TEPSIN: variants seen among roughly 807,000 people sequenced by gnomAD.
TEPSIN encodes TEPSIN adaptor related protein complex 4 accessory protein, also known as AP-4 complex accessory subunit tepsin.
TEPSIN carries 50 observed loss-of-function variants against 48.5 expected under a neutral mutation model. That is an observed-to-expected ratio of 1.03 (90% CI 0.82 to 1.31). The LOEUF is 1.31. Ranked by LOEUF, TEPSIN falls within the 50% of genes most tolerant of loss-of-function variation. The probability of loss-of-function intolerance (pLI) is 0.00; values close to 1 mark genes in which losing one functional copy is unlikely to be tolerated. For missense variants in TEPSIN, 838 were observed against 815.9 expected, an observed-to-expected ratio of 1.03 and a Z score of -0.33; for synonymous variants, 392 against 358.8, an observed-to-expected ratio of 1.09 and a Z score of -1.05.
Position 81,231,397 on chromosome 17 carries a change from C to T in TEPSIN, c.1098+1G>A, listed in dbSNP as rs1029796878. The T allele has an allele frequency of 6.5e-7, 1 of 1,547,118 alleles. No individual in the cohort carries two copies. The highest frequency in any genetic ancestry group is 1.4e-5 in the African/African-American group (1 of 73,304). Reference sequence around the variant, plus strand: ...CCCTCCCGCCCGCGTGTGCAGCTCACCAGCTGCGTGCATTCACTGGTCCCA... The same window carrying T: ...CCCTCCCGCCCGCGTGTGCAGCTCATCAGCTGCGTGCATTCACTGGTCCCA... On this transcript the variant is annotated splice_donor_variant, in intron 11 of 12. Transcript: ENST00000637944. LOFTEE classifies it high-confidence loss of function.
Position 81,233,385 on chromosome 17 carries a change from C to T in TEPSIN, c.526+47G>A. 1 of 1,599,634 alleles carries T rather than the reference C, an allele frequency of 6.3e-7. No homozygotes were observed. The highest frequency in any genetic ancestry group is 1.3e-5 in the African/African-American group (1 of 74,812). ...GGTCCGGCCCCCACCACCTCCTCAT[C>T]CCCACACCCTGAGATGCCAGAGCCC... On this transcript the variant is annotated intron_variant, in intron 7 of 12. Transcript: ENST00000637944. This position sits in a 1 kb window ranked among gnomAD's most constrained non-coding sequence, Gnocchi z 5.8.
Position 81,230,341 on chromosome 17 carries a change from G to C in TEPSIN, c.1233+203C>G. ...GCCAGTGTACTGTGAGTGCTGCAGA[G>C]TTTGGGTGGAAGGCGGGAAGGCAAT... On this transcript the variant is annotated intron_variant, in intron 12 of 12. Transcript: ENST00000637944. The surrounding 1 kb of genome is among the most constrained non-coding windows in gnomAD (Gnocchi z 4.2). 1.6e-6 allele frequency: 1 copy of C among 645,120 alleles called. No individual in the cohort carries two copies. Among genetic ancestry groups the C allele is most frequent in the South Asian group, 1.9e-5 (1 of 51,842 alleles). 40.0% of individuals were successfully genotyped at this position (645,120 alleles called of 1,614,324 possible).
In TEPSIN at chr17:81,229,484, A is replaced by C; in HGVS notation, c.1234-8T>G. 1 of 1,549,174 alleles carries C rather than the reference A, an allele frequency of 6.5e-7. No individual in the cohort carries two copies. The highest frequency in any genetic ancestry group is 8.7e-7 in the Non-Finnish European group (1 of 1,146,436). On this transcript the variant is annotated splice_polypyrimidine_tract_variant and splice_region_variant and intron_variant, in intron 12 of 12. Coordinates refer to ENST00000637944, the MANE Select transcript of TEPSIN (RefSeq NM_001363764.2). Reference sequence around the variant, plus strand: ...CTCAAAGTGCCTCAGGATCTGAAAGAGGAAGGAGGAACCAGGGAGGTTCCT... The same window carrying C: ...CTCAAAGTGCCTCAGGATCTGAAAGCGGAAGGAGGAACCAGGGAGGTTCCT...
Position 81,229,086 on chromosome 17 carries a change from T to C in TEPSIN, c.1624A>G (p.Met542Val). 1.2e-6 allele frequency: 2 copies of C among 1,613,608 alleles called. No individual in the cohort carries two copies. The highest frequency in any genetic ancestry group is 1.1e-5 in the South Asian group (1 of 91,084). ...AGGCGGGGACAGGCCACCAGCTCCA[T>C]GCCAGCAAACAAGGAGTCGCGGCTC... ...AWSRDSLFAG[M>V]ELVACPRLVG... The change falls in exon 13 of 13, where the codon ATG becomes GTG. Residue 542 changes from methionine (M) to valine (V), a missense_variant. Met to Val is a conservative substitution (Grantham distance 21). Transcript: ENST00000637944.
Position 81,229,035 on chromosome 17 carries a change from C to T in TEPSIN, c.1675G>A (p.Glu559Lys). ...GCGCGGGGAGCATCAGGACAGGACT[C>T]TCCCGCAGCAGCCCCAGCCCCCACC... ...RLVGAGAAAG[E>K]SCPDAPRAPQ... The change falls in exon 13 of 13, where the codon GAG becomes AAG. Residue 559 changes from glutamate to lysine, a missense_variant. Coordinates refer to ENST00000637944, the MANE Select transcript of TEPSIN (RefSeq NM_001363764.2). The T allele has an allele frequency of 6.2e-7, 1 of 1,613,410 alleles. No individual in the cohort carries two copies. Among genetic ancestry groups the T allele is most frequent in the Non-Finnish European group, 8.5e-7 (1 of 1,179,954 alleles).
At chr17:81,232,170 G>A in intron 8 of TEPSIN, 145 bp downstream of exon 8, 1 of 1,308,952 alleles carries the variant, frequency 7.6e-7, no homozygotes, top group Non-Finnish European at 1.0e-6. Context: ...GCAAACACCA[G>A]CCCCATGGGC....
intron 1 of TEPSIN, 124 bp from the exon 2 acceptor site, chr17:81,237,583 G>C (rs1010805093): frequency 2.9e-6 from 3 of 1,019,650 alleles, no homozygotes; most frequent in Non-Finnish European, 4.2e-6. Flanking sequence ...AGAGAGGACT[G>C]GGAAGGGATG....
rs1442233379 is a variant in TEPSIN, at chr17:81,228,608, T to C, written c.*320A>G. The C allele has an allele frequency of 7.4e-6, 3 of 405,994 alleles. No homozygotes were observed. Among genetic ancestry groups the C allele is most frequent in the Non-Finnish European group, 1.3e-5 (3 of 226,942 alleles). 25.1% of individuals were successfully genotyped at this position (405,994 alleles called of 1,614,324 possible). A position where few individuals can be genotyped will look rare whatever the true frequency, so the allele number is the denominator to read the frequency against. Reference sequence around the variant, plus strand: ...GGGAAGGAGGGAGCTGAGATCAAAATGAAATAAGGAACCTGGTAGTCGCTT... The same window carrying C: ...GGGAAGGAGGGAGCTGAGATCAAAACGAAATAAGGAACCTGGTAGTCGCTT... On this transcript the variant is annotated 3_prime_UTR_variant, in exon 13 of 13. Coordinates refer to ENST00000637944, the MANE Select transcript of TEPSIN (RefSeq NM_001363764.2).
At position 81,231,564 on chromosome 17, in the gene TEPSIN, C is replaced by G; in HGVS notation, c.1019+14G>C. 1 of 1,608,566 alleles carries G rather than the reference C, an allele frequency of 6.2e-7. No homozygotes were observed. Among genetic ancestry groups the G allele is most frequent in the Non-Finnish European group, 8.5e-7 (1 of 1,177,806 alleles). On this transcript the variant is annotated intron_variant, in intron 10 of 12. Coordinates refer to ENST00000637944, the MANE Select transcript of TEPSIN (RefSeq NM_001363764.2). ...GGGGCTGAGGCAGAGCAGGGCGGGT[C>G]CGGGCGCACTCACGCTTTGATGAAG...
intron 7 of TEPSIN, chr17:81,232,945 C>T (rs1022116587): frequency 1.7e-5 from 4 of 233,436 alleles, no homozygotes; most frequent in Non-Finnish European, 2.5e-5. Flanking sequence ...CACAGCCTAA[C>T]GGTGAGCAGC....
intron 7 of TEPSIN, 157 bp from the exon 8 acceptor site, chr17:81,232,675 T>A: frequency 1.5e-6 from 1 of 645,894 alleles, no homozygotes. Context: ...CCAGGCCCTC[T>A]GGAAGCTCCC....
In TEPSIN at chr17:81,228,840, T is replaced by C. The variant is rs1598343989; in HGVS notation, c.*88A>G. 1 of 1,511,686 alleles carries C rather than the reference T, an allele frequency of 6.6e-7. No homozygotes were observed. The highest frequency in any genetic ancestry group is 9.0e-7 in the Non-Finnish European group (1 of 1,109,280). 93.6% of individuals were successfully genotyped at this position (1,511,686 alleles called of 1,614,324 possible). ...CTCTCAAGTCAAGCTGCCTGGAGAC[T>C]GTAGCAGCTACGGTTGAGGCTGCTC... On this transcript the variant is annotated 3_prime_UTR_variant, in exon 13 of 13. Transcript: ENST00000637944.
chr17:81,238,735 G>A, intron 1 of TEPSIN: 1 of 1,254,648 alleles, frequency 8.0e-7, no homozygotes, highest in Non-Finnish European at 1.0e-6. Flanking sequence ...AGGCCTGTTC[G>A]TTCCCCCAGG....
In TEPSIN at chr17:81,230,699, C is replaced by T. The variant is rs777746235; in HGVS notation, c.1099-21G>A. ...GCCCTCTGCGGGTGAAGGGAGGGGA[C>T]ATCAGCACCCATGGGGCAGCAGGTC... is the stretch of plus-strand genomic sequence containing the variant. On this transcript the variant is annotated intron_variant, in intron 11 of 12. Coordinates refer to ENST00000637944, the MANE Select transcript of TEPSIN (RefSeq NM_001363764.2). The surrounding 1 kb of genome is among the most constrained non-coding windows in gnomAD (Gnocchi z 4.2). 6.6e-7 allele frequency: 1 copy of T among 1,509,284 alleles called. No homozygotes were observed. The allele number at this position is 1,509,284 out of a possible 1,614,324, so 93.5% of individuals were successfully genotyped here. A position where few individuals can be genotyped will look rare whatever the true frequency, so the allele number is the denominator to read the frequency against.
rs1441342316 is a variant in TEPSIN at position 81,234,348 on chromosome 17, C to T, written c.308-300G>A. 3.0e-5 allele frequency: 9 copies of T among 300,102 alleles called. No homozygotes were observed. The highest frequency in any genetic ancestry group is 4.3e-5 in the African/African-American group (2 of 45,980). The allele number at this position is 300,102 out of a possible 1,614,324, so 18.6% of individuals were successfully genotyped here. A position where few individuals can be genotyped will look rare whatever the true frequency, so the allele number is the denominator to read the frequency against. On this transcript the variant is annotated intron_variant, in intron 4 of 12. Transcript: ENST00000637944. The surrounding 1 kb of genome is among the most constrained non-coding windows in gnomAD (Gnocchi z 5.4). ...GTGTGGCCTCCCCGAAGCCCACTCT[C>T]CCTGCCCCAGGTGCACCAGGGACCC...
Position 81,233,779 on chromosome 17 carries a change from A to AC in TEPSIN, c.376-64dup. The AC allele has an allele frequency of 6.7e-7, 1 of 1,492,022 alleles. No homozygotes were observed. Among genetic ancestry groups the AC allele is most frequent in the Non-Finnish European group, 9.0e-7 (1 of 1,106,642 alleles). 92.4% of individuals were successfully genotyped at this position (1,492,022 alleles called of 1,614,324 possible). A position where few individuals can be genotyped will look rare whatever the true frequency, so the allele number is the denominator to read the frequency against. On this transcript the variant is annotated intron_variant, in intron 5 of 12. Coordinates refer to ENST00000637944, the MANE Select transcript of TEPSIN (RefSeq NM_001363764.2). The surrounding 1 kb of genome is among the most constrained non-coding windows in gnomAD (Gnocchi z 5.8). ...CAGGGCCTGCTGTACTCACCCTGCCACCCATATCAGCTCCGTTCTGTCCCC... is the reference window on the plus strand; with the variant it reads ...CAGGGCCTGCTGTACTCACCCTGCCACCCCATATCAGCTCCGTTCTGTCCCC...
In TEPSIN at chr17:81,237,072, C is replaced by T. The variant is rs977520997; in HGVS notation, c.122-1G>A. ...CTGCCCGGAGACTCGTGGGAGATTT[C>T]TGCGGCACGCTCGGGTTAGGGAAGG... is the stretch of plus-strand genomic sequence containing the variant. On this transcript the variant is annotated splice_acceptor_variant, in intron 2 of 12. Transcript: ENST00000637944. LOFTEE classifies it high-confidence loss of function. 66 of 1,584,868 alleles carry T rather than the reference C, an allele frequency of 4.2e-5. No homozygotes were observed. The highest frequency in any genetic ancestry group is 5.7e-5 in the Non-Finnish European group (66 of 1,165,538).
rs764355088 is a variant in TEPSIN, at chr17:81,228,988, C to T, written c.1722G>A (p.Arg574=). Residue 574 remains arginine (R), a synonymous_variant, in exon 13 of 13, where the codon AGG becomes AGA. Coordinates refer to ENST00000637944, the MANE Select transcript of TEPSIN (RefSeq NM_001363764.2). ...AGCCAGGAGGCTCTTTGGCTGCTGT[C>T]CTCTGGGACGATGTTTGGGGGGCGC... The part of the protein sequence containing the change: ...APRAPQTSSQ[R]TAAKEPPGSE... 6 of 1,613,724 alleles carry T rather than the reference C, an allele frequency of 3.7e-6. No individual in the cohort carries two copies. The highest frequency in any genetic ancestry group is 1.7e-5 in the Admixed American group (1 of 60,016).
chr17:81,236,851 C>T, intron 3 of TEPSIN, 50 bp from the exon 4 acceptor site: 5 of 1,546,638 alleles, frequency 3.2e-6, no homozygotes, highest in Non-Finnish European at 4.4e-6. Context: ...CACGGGACAC[C>T]CAGGGCAGGG....
Sources: allele counts gnomAD v4.1 joint callset, GRCh38; gene constraint gnomAD v4.1.1; non-coding constraint Gnocchi (gnomAD v3.1); transcripts MANE v1.5; gene names NCBI Gene and HGNC (gene_info 2026-07-23, HGNC 2026-07-21).